Variants in CRACDL observed in about 807,000 individuals in gnomAD.
The protein encoded by CRACDL is CRACD-like protein.
A neutral mutation model predicts 70.6 loss-of-function variants in CRACDL; 26 were observed. That is an observed-to-expected ratio of 0.37 (90% confidence interval 0.27 to 0.51). The LOEUF (loss-of-function observed/expected upper bound fraction) is 0.51, where lower values mean the gene tolerates loss of function less well. Ranked by LOEUF, CRACDL falls within the 20% of genes least tolerant of loss-of-function variation. The probability of loss-of-function intolerance (pLI) is 0.94; values close to 1 mark genes in which losing one functional copy is unlikely to be tolerated. For synonymous variants in CRACDL, 618 were observed against 615.2 expected (o/e 1.00, Z -0.07); for missense variants, 1,283 against 1,376.9 (o/e 0.93, Z 1.08).
intron 7 of CRACDL, among the ~76,000 whole-genome samples, chr2:98,813,549 A>C (rs1298198162): frequency 6.6e-6 from 1 of 152,236 alleles, no homozygotes; most frequent in Non-Finnish European, 1.5e-5. Flanking sequence ...CCTTGACCTA[A>C]GTCTCACATC....
chr2:98,923,501 AAAG>A lies in CRACDL; in HGVS notation c.-11+12434_-11+12436del, dbSNP rs1353668547. On this transcript the variant is annotated intron_variant, in intron 1 of 9. Coordinates refer to ENST00000397899, the MANE Select transcript of CRACDL (RefSeq NM_207362.3). Reference sequence around the variant, plus strand: ...ACCCAGGAAGAAAAAGCAAATTGCAAAAGGAGAGCCTGTCATACCCACTTCTTT... The same window carrying A: ...ACCCAGGAAGAAAAAGCAAATTGCAAGAGAGCCTGTCATACCCACTTCTTT... 5.9e-5 allele frequency among the ~76,000 whole-genome samples: 9 copies of A among 152,308 alleles called. No individual in the cohort carries two copies. In the South Asian group the frequency reaches 1.0e-3, roughly 18 times the overall value.
intron 6 of CRACDL, 97 bp downstream of exon 6, chr2:98,826,878 A>G: frequency 2.6e-6 from 2 of 754,812 alleles, no homozygotes; most frequent in Non-Finnish European, 4.1e-6. Flanking sequence ...AGGGGGCATG[A>G]GACCCTGTGT....
rs1705192789 is a variant in CRACDL, at chr2:98,823,665, G to T, written c.736-128C>A. The T allele has an allele frequency of 1.7e-6, 2 of 1,163,822 alleles. No homozygotes were observed. The highest frequency in any genetic ancestry group is 2.4e-6 in the Non-Finnish European group (2 of 816,590). 72.1% of individuals were successfully genotyped at this position (1,163,822 alleles called of 1,614,324 possible). ...CACTATAAAGCTGGCACTTAAGTAG[G>T]CATGTACCCACGGGTGTCTTTTCTC... On this transcript the variant is annotated intron_variant, in intron 6 of 9. Transcript: ENST00000397899. This position sits in a 1 kb window ranked among gnomAD's most constrained non-coding sequence, Gnocchi z 4.0.
At chr2:98,879,840 G>C (rs4851167) in intron 1 of CRACDL, among the ~76,000 whole-genome samples, 79,488 of 152,156 alleles carry the variant, frequency 0.52, 22,382 homozygotes, top group African/African-American at 0.72. Context: ...GCCACTGTGC[G>C]CAGCCTCAGC....
chr2:98,802,803 A>T (rs1224057719), intron 7 of CRACDL, among the ~76,000 whole-genome samples: 1 of 152,224 alleles, frequency 6.6e-6, no homozygotes, highest in Non-Finnish European at 1.5e-5. Context: ...CCTGAGAGGC[A>T]ACGAGTTGTC....
chr2:98,803,961 C>T (rs1244060223), intron 7 of CRACDL, among the ~76,000 whole-genome samples: 4 of 152,066 alleles, frequency 2.6e-5, no homozygotes, highest in Non-Finnish European at 4.4e-5. Context: ...CACACCACTG[C>T]GGCAGGGTTT....
At chr2:98,833,866 C>T (rs997511996) in intron 3 of CRACDL, among the ~76,000 whole-genome samples, 1 of 152,232 alleles carries the variant, frequency 6.6e-6, no homozygotes, top group African/African-American at 2.4e-5. Context: ...TGCCACTCCC[C>T]TACCCTGGGC....
Position 98,832,345 on chromosome 2 carries a change from T to C in CRACDL, c.540+3A>G. On this transcript the variant is annotated splice_donor_region_variant and intron_variant, in intron 5 of 9. Transcript: ENST00000397899. ...GACATGCAGTGGTACAGGCCGCACT[T>C]GCCTTTATGGTGGTACCAGGACCCA... 6.2e-7 allele frequency: 1 copy of C among 1,614,138 alleles called. No individual in the cohort carries two copies. The highest frequency in any genetic ancestry group is 8.5e-7 in the Non-Finnish European group (1 of 1,180,024).
chr2:98,832,278 G>T, intron 5 of CRACDL, 70 bp downstream of exon 5: 1 of 1,538,148 alleles, frequency 6.5e-7, no homozygotes, highest in Admixed American at 1.7e-5. Flanking sequence ...ACACACAGGG[G>T]ATCTCAGAGC....
At chr2:98,916,662 C>T (rs906407175) in intron 1 of CRACDL, among the ~76,000 whole-genome samples, 1 of 151,994 alleles carries the variant, frequency 6.6e-6, no homozygotes, top group South Asian at 2.1e-4. Flanking sequence ...TAGGATACAA[C>T]CTCTCTTTTT....
intron 1 of CRACDL, among the ~76,000 whole-genome samples, chr2:98,910,939 CT>C (rs1708532783): frequency 6.6e-6 from 1 of 152,232 alleles, no homozygotes. Flanking sequence ...AGGGGCTGTT[CT>C]GGGCTTAGCT....
At chr2:98,897,172 G>A (rs1412665475) in intron 1 of CRACDL, among the ~76,000 whole-genome samples, 1 of 152,034 alleles carries the variant, frequency 6.6e-6, no homozygotes. Context: ...CGATCGTTCT[G>A]TCTCTTTGAG....
intron 1 of CRACDL, chr2:98,897,474 G>C: frequency 1.9e-6 from 2 of 1,039,176 alleles, no homozygotes; most frequent in Non-Finnish European, 2.6e-6. Flanking sequence ...GAAAATCAGT[G>C]ACTTCTGCTG....
intron 1 of CRACDL, among the ~76,000 whole-genome samples, chr2:98,921,135 C>A (rs1285061688): frequency 6.6e-6 from 1 of 152,214 alleles, no homozygotes; most frequent in African/African-American, 2.4e-5. Flanking sequence ...AGGTGGGAGC[C>A]CCGTCTTGGA....
intron 3 of CRACDL, 69 bp downstream of exon 3, chr2:98,838,050 C>T: frequency 7.4e-7 from 1 of 1,350,768 alleles, no homozygotes; most frequent in Non-Finnish European, 1.0e-6. Context: ...AGAAATCCAG[C>T]AAGTTACCAG....
intron 1 of CRACDL, among the ~76,000 whole-genome samples, chr2:98,856,282 A>T (rs1463763143): frequency 1.3e-5 from 2 of 152,224 alleles, no homozygotes; most frequent in Non-Finnish European, 2.9e-5. Flanking sequence ...TATCAGAAAC[A>T]TTGGAGACCA....
Position 98,799,412 on chromosome 2 carries a change from C to T in CRACDL, c.2417-1875G>A, listed in dbSNP as rs529190191. On this transcript the variant is annotated intron_variant, in intron 7 of 9. Coordinates refer to ENST00000397899, the MANE Select transcript of CRACDL (RefSeq NM_207362.3). ...GGTGAGAAGAGCCTTCAGCCTCACACAGCCAGGACCTCCCCTGGCCCTGGC... is the reference window on the plus strand; with the variant it reads ...GGTGAGAAGAGCCTTCAGCCTCACATAGCCAGGACCTCCCCTGGCCCTGGC... Among the ~76,000 whole-genome samples the T allele has an allele frequency of 3.8e-4, 58 of 152,228 alleles. 1 individual carries two copies. In the South Asian group the frequency reaches 0.012, roughly 31 times the overall value.
intron 1 of CRACDL, among the ~76,000 whole-genome samples, chr2:98,849,168 C>G (rs1205478518): frequency 6.6e-6 from 1 of 152,176 alleles, no homozygotes; most frequent in Non-Finnish European, 1.5e-5. Context: ...GAAGCCTTAC[C>G]CAGGGTCAGG....
intron 1 of CRACDL, among the ~76,000 whole-genome samples, chr2:98,897,841 G>T (rs1217283838): frequency 6.6e-6 from 1 of 152,218 alleles, no homozygotes; most frequent in African/African-American, 2.4e-5. Flanking sequence ...AGAGACAGGG[G>T]GTGCAGCTCC....
Sources: gnomAD v4.1 joint callset for allele counts (sites outside exome capture counted in the v4.1 genomes callset) on GRCh38, gnomAD v4.1.1 for gene constraint, Gnocchi (gnomAD v3.1) non-coding constraint, MANE v1.5 for transcripts, NCBI Gene and HGNC (gene_info 2026-07-23, HGNC 2026-07-21) for gene names.